The following PIWIL2 variants were observed in gnomAD, a reference collection of about 807,000 sequenced individuals.
PIWIL2 encodes piwi like RNA-mediated gene silencing 2.
PIWIL2 carries 81 observed loss-of-function variants against 116.5 expected under a neutral mutation model. The ratio of observed to expected loss-of-function variants is 0.70; its 90% CI spans 0.58 to 0.84. The LOEUF (loss-of-function observed/expected upper bound fraction) is 0.84, where lower values mean the gene tolerates loss of function less well. Among genes scored for constraint, PIWIL2 ranks in the 40% least tolerant of loss-of-function variants. The probability of loss-of-function intolerance (pLI) is 0.00; values close to 1 mark genes in which losing one functional copy is unlikely to be tolerated. For missense variants in PIWIL2, 1,272 were observed against 1,212.3 expected (o/e 1.05, Z -0.73); for synonymous variants, 489 against 429.5 (o/e 1.14, Z -1.71).
intron 10 of PIWIL2, among the ~76,000 whole-genome samples, chr8:22,293,698 T>C (rs1429046312): frequency 6.6e-6 from 1 of 152,218 alleles, no homozygotes; most frequent in Non-Finnish European, 1.5e-5. Flanking sequence ...CTCTGTACTA[T>C]TATACAATTA....
At position 22,289,196 on chromosome 8, in the gene PIWIL2, A is replaced by G. The variant is rs149082184; in HGVS notation, c.986+530A>G. Among the ~76,000 whole-genome samples, 451 of 137,706 alleles carry G rather than the reference A, an allele frequency of 3.3e-3. 1 individual carries two copies. Among genetic ancestry groups the G allele is most frequent in the African/African-American group, 0.012 (432 of 36,024 alleles). The allele number at this position is 137,706 out of a possible 152,430, so 90.3% of individuals were successfully genotyped here. A position where few individuals can be genotyped will look rare whatever the true frequency, so the allele number is the denominator to read the frequency against. The stretch of plus-strand genomic sequence containing the variant: ...AGAGACGGAGTCTCGCTCTGTCGCC[A>G]GGCTGTAGTGCAGTGGCGCAATCCC... On this transcript the variant is annotated intron_variant, in intron 8 of 22. Coordinates refer to ENST00000356766, the MANE Select transcript of PIWIL2 (RefSeq NM_018068.5).
Position 22,328,463 on chromosome 8 carries a change from G to A in PIWIL2, c.2403+10188G>A, listed in dbSNP as rs142181143. Among the ~76,000 whole-genome samples, 897 of 151,946 alleles carry A rather than the reference G, an allele frequency of 5.9e-3. 11 individuals are homozygous for A. Among genetic ancestry groups the A allele is most frequent in the African/African-American group, 0.021 (858 of 41,474 alleles). On this transcript the variant is annotated intron_variant, in intron 20 of 22. Coordinates refer to ENST00000356766, the MANE Select transcript of PIWIL2 (RefSeq NM_018068.5). ...TTTGAGAGAAGGTTTTTTTGTTTCT[G>A]CAAAAAAAGGCCATTGAAACTTTCA...
At chr8:22,306,111 G>A in intron 13 of PIWIL2, 95 bp downstream of exon 13, 2 of 821,906 alleles carry the variant, frequency 2.4e-6, no homozygotes, top group Non-Finnish European at 2.1e-6. Context: ...TTCCAACTCT[G>A]ATGTTGGCTT....
chr8:22,323,263 T>A (rs1019273405), intron 20 of PIWIL2, among the ~76,000 whole-genome samples: 2 of 148,738 alleles, frequency 1.3e-5, no homozygotes, highest in African/African-American at 2.5e-5. Context: ...TTCTTCTGCC[T>A]CAGCTTCCCG....
At chr8:22,338,089 T>C (rs1455576674) in intron 20 of PIWIL2, among the ~76,000 whole-genome samples, 1 of 149,200 alleles carries the variant, frequency 6.7e-6, no homozygotes, top group Non-Finnish European at 1.5e-5. Flanking sequence ...CGAGACTCCA[T>C]CTCAAAAAAA....
chr8:22,275,457 A>G (rs1443501334), intron 1 of PIWIL2, 59 bp downstream of exon 1: 1 of 152,348 alleles, frequency 6.6e-6, no homozygotes, highest in African/African-American at 2.4e-5. Context: ...GGGGGCGGGC[A>G]GGTTGGGTTT....
intron 20 of PIWIL2, among the ~76,000 whole-genome samples, chr8:22,329,361 G>A (rs943021259): frequency 6.6e-6 from 1 of 152,194 alleles, no homozygotes; most frequent in African/African-American, 2.4e-5. Context: ...TTTACACGAA[G>A]CATAATGCTG....
chr8:22,336,183 A>G (rs184342206), intron 20 of PIWIL2, among the ~76,000 whole-genome samples: 33 of 152,278 alleles, frequency 2.2e-4, no homozygotes, highest in Admixed American at 1.9e-3. Flanking sequence ...CCACCCAGCA[A>G]CCACATACAC....
rs1274868542 is a variant in PIWIL2, at chr8:22,351,476, T to G, written c.2404-1483T>G. The stretch of plus-strand genomic sequence containing the variant: ...ATATATATATATATATATATATATA[T>G]ATATATAATTTATATCTAAACCTAA... On this transcript the variant is annotated intron_variant, in intron 20 of 22. Transcript: ENST00000356766. Among the ~76,000 whole-genome samples the G allele has an allele frequency of 2.6e-4, 30 of 117,368 alleles. 2 individuals carry two copies. Among genetic ancestry groups the G allele is most frequent in the Admixed American group, 1.4e-3 (16 of 11,148 alleles). The allele number at this position is 117,368 out of a possible 152,430, so 77.0% of individuals were successfully genotyped here.
At position 22,306,594 on chromosome 8, in the gene PIWIL2, A is replaced by ACT. The variant is rs199763607; in HGVS notation, c.1545+581_1545+582dup. 3.3e-3 allele frequency among the ~76,000 whole-genome samples: 499 copies of ACT among 151,932 alleles called. 4 individuals are homozygous for ACT. The highest frequency in any genetic ancestry group is 0.011 in the African/African-American group (444 of 41,438). On this transcript the variant is annotated intron_variant, in intron 13 of 22. Coordinates refer to ENST00000356766, the MANE Select transcript of PIWIL2 (RefSeq NM_018068.5). The stretch of plus-strand genomic sequence containing the variant: ...CCAGACCCCAGAGCCGGCCCGCCAC[A>ACT]CTCTGTCTGGGGCTGTCCACGCTTG...
chr8:22,321,835 T>C, intron 20 of PIWIL2: 1 of 983,948 alleles, frequency 1.0e-6, no homozygotes, highest in Non-Finnish European at 1.2e-6. Context: ...TTTATTAATA[T>C]CTTCCCCTAG....
At chr8:22,327,456 C>T (rs964233620) in intron 20 of PIWIL2, among the ~76,000 whole-genome samples, 9 of 151,814 alleles carry the variant, frequency 5.9e-5, no homozygotes, top group Non-Finnish European at 1.0e-4. Context: ...CAACCTCCAC[C>T]TCCCGGGTTG....
At chr8:22,318,101 C>T in intron 19 of PIWIL2, 69 bp from the exon 20 acceptor site, 1 of 939,992 alleles carries the variant, frequency 1.1e-6, no homozygotes, top group South Asian at 1.4e-5. Context: ...CTGACATAAG[C>T]CATAGGCTGT....
At chr8:22,283,355 C>G (rs1020321963) in intron 5 of PIWIL2, 115 bp downstream of exon 5, 2 of 744,856 alleles carry the variant, frequency 2.7e-6, no homozygotes, top group Non-Finnish European at 2.3e-6. Flanking sequence ...GGTAATAATA[C>G]TGCGGGGTGT....
At chr8:22,334,184 A>G (rs898795559) in intron 20 of PIWIL2, among the ~76,000 whole-genome samples, 3 of 151,878 alleles carry the variant, frequency 2.0e-5, no homozygotes, top group South Asian at 2.1e-4. Context: ...CATGTTGGCC[A>G]GGCTAGTCTC....
At chr8:22,286,675 G>A (rs545314881) in intron 6 of PIWIL2, among the ~76,000 whole-genome samples, 1 of 152,256 alleles carries the variant, frequency 6.6e-6, no homozygotes, top group South Asian at 2.1e-4. Context: ...AGGCCGGAGT[G>A]CAGTGGCACA....
chr8:22,318,198 G>A lies in PIWIL2; in HGVS notation c.2326G>A (p.Val776Met), dbSNP rs545569419. 6.2e-7 allele frequency: 1 copy of A among 1,613,348 alleles called. No individual in the cohort carries two copies. Among genetic ancestry groups the A allele is most frequent in the African/African-American group, 1.3e-5 (1 of 75,002 alleles). Residue 776 changes from valine to methionine, a missense_variant, in exon 20 of 23, where the codon GTG becomes ATG. Val to Met is a conservative substitution (Grantham distance 21, BLOSUM62 1). Coordinates refer to ENST00000356766, the MANE Select transcript of PIWIL2 (RefSeq NM_018068.5). The stretch of plus-strand genomic sequence containing the variant: ...CCTCACAAAATGGTATTCCCGGGTG[G>A]TGTTCCAGATGCCGCATCAGGAGAT... Reference protein sequence around the residue: ...LTLTKWYSRVVFQMPHQEIVD... With the variant: ...LTLTKWYSRVMFQMPHQEIVD...
At chr8:22,329,195 T>C (rs1020784166) in intron 20 of PIWIL2, among the ~76,000 whole-genome samples, 2 of 152,224 alleles carry the variant, frequency 1.3e-5, no homozygotes, top group African/African-American at 4.8e-5. Context: ...TATCAGATGA[T>C]TTTTCTGCAT....
At chr8:22,353,949 T>C (rs561719202) in intron 21 of PIWIL2, among the ~76,000 whole-genome samples, 56 of 152,106 alleles carry the variant, frequency 3.7e-4, no homozygotes, top group Admixed American at 1.1e-3. Context: ...CTAATTTTTG[T>C]ATTTTTTGTA....
Sources: allele counts gnomAD v4.1 joint callset (sites outside exome capture counted in the v4.1 genomes callset), GRCh38; gene constraint gnomAD v4.1.1; transcripts MANE v1.5; gene names NCBI Gene and HGNC (gene_info 2026-07-23, HGNC 2026-07-21).